B3GLCT: variants seen among roughly 807,000 people sequenced by gnomAD.
B3GLCT encodes the protein beta 3-glucosyltransferase.
A neutral mutation model predicts 63.4 loss-of-function variants in B3GLCT; 65 were observed. The observed-to-expected ratio is 1.03, with a 90% CI of 0.84 to 1.26. The LOEUF (loss-of-function observed/expected upper bound fraction) is 1.26. Ranked by LOEUF, B3GLCT falls within the 50% of genes most tolerant of loss-of-function variation. The pLI is 0.00. For missense variants in B3GLCT, 577 were observed against 604.8 expected (o/e 0.95, Z 0.48); for synonymous variants, 233 against 219.2 (o/e 1.06, Z -0.55).
At chr13:31,318,816 A>G (rs1231098250) in intron 13 of B3GLCT, among the ~76,000 whole-genome samples, 1 of 152,184 alleles carries the variant, frequency 6.6e-6, no homozygotes, top group Non-Finnish European at 1.5e-5. Flanking sequence ...TGGCCCTGTT[A>G]TTTGTATATG....
intron 10 of B3GLCT, among the ~76,000 whole-genome samples, chr13:31,278,480 A>T (rs997281237): frequency 4.6e-5 from 7 of 152,300 alleles, no homozygotes; most frequent in South Asian, 2.1e-4. Flanking sequence ...AGATGCATTG[A>T]TTTACTGCTG....
intron 14 of B3GLCT, among the ~76,000 whole-genome samples, chr13:31,328,608 G>A (rs570630239): frequency 1.5e-4 from 21 of 139,434 alleles, no homozygotes; most frequent in South Asian, 2.3e-4. Context: ...CCGGAGAATC[G>A]CTTGAACCCG....
intron 4 of B3GLCT, among the ~76,000 whole-genome samples, chr13:31,231,577 A>G (rs1870383714): frequency 6.6e-6 from 1 of 151,698 alleles, no homozygotes; most frequent in Non-Finnish European, 1.5e-5. Flanking sequence ...TTTTTGGCCA[A>G]TTTTGTTTCT....
chr13:31,323,927 G>A, intron 14 of B3GLCT, 32 bp downstream of exon 14: 1 of 1,610,150 alleles, frequency 6.2e-7, no homozygotes. Flanking sequence ...TTCCCTCATG[G>A]CAGGTGAGGG....
chr13:31,215,445 A>G (rs1869510941), intron 2 of B3GLCT, among the ~76,000 whole-genome samples: 1 of 151,722 alleles, frequency 6.6e-6, no homozygotes. Flanking sequence ...ACGGAGTTTC[A>G]CTCTGTCGCC....
chr13:31,296,276 T>C (rs913222386), intron 12 of B3GLCT, among the ~76,000 whole-genome samples: 2 of 152,242 alleles, frequency 1.3e-5, no homozygotes, highest in Non-Finnish European at 2.9e-5. Flanking sequence ...GCCAGCCATC[T>C]CCTGTTTTGT....
chr13:31,243,711 C>G (rs971374419), intron 4 of B3GLCT, among the ~76,000 whole-genome samples: 2 of 152,170 alleles, frequency 1.3e-5, no homozygotes, highest in South Asian at 4.1e-4. Context: ...TAATTATTAG[C>G]TGCTTTAAAT....
At chr13:31,281,581 A>G (rs1243666336) in intron 10 of B3GLCT, among the ~76,000 whole-genome samples, 1 of 152,098 alleles carries the variant, frequency 6.6e-6, no homozygotes, top group Non-Finnish European at 1.5e-5. Flanking sequence ...ATTGCCCTAC[A>G]GTGTTGTGTT....
chr13:31,275,276 A>C (rs180684892), intron 9 of B3GLCT, among the ~76,000 whole-genome samples: 15 of 152,370 alleles, frequency 9.8e-5, no homozygotes, highest in African/African-American at 3.6e-4. Flanking sequence ...CCATCTTACA[A>C]ATGAGAAGAG....
chr13:31,221,378 A>G (rs1221761223), intron 2 of B3GLCT, among the ~76,000 whole-genome samples: 1 of 152,194 alleles, frequency 6.6e-6, no homozygotes, highest in East Asian at 1.9e-4. Context: ...CAAGAGTGGC[A>G]TTTAGAGTAA....
chr13:31,217,811 C>G (rs1338507371), intron 2 of B3GLCT, among the ~76,000 whole-genome samples: 1 of 152,184 alleles, frequency 6.6e-6, no homozygotes, highest in Admixed American at 6.5e-5. Flanking sequence ...TGTAGAAGTA[C>G]CATGCTGTTT....
rs1555255278 is a variant in B3GLCT, at chr13:31,316,431, A to ATATATAT, written c.1065-1135_1065-1134insTATATAT. On this transcript the variant is annotated intron_variant, in intron 12 of 14. Coordinates refer to ENST00000343307, the MANE Select transcript of B3GLCT (RefSeq NM_194318.4). ...TTTATATATATATATATATATATAT[A>ATATATAT]AATTTTTTTTTTTTGAGACGGAGTT... Among the ~76,000 whole-genome samples, 43 of 110,050 alleles carry ATATATAT rather than the reference A, an allele frequency of 3.9e-4. 2 individuals carry two copies. Among genetic ancestry groups the ATATATAT allele is most frequent in the South Asian group, 1.6e-3 (5 of 3,050 alleles). 72.2% of individuals were successfully genotyped at this position (110,050 alleles called of 152,430 possible).
chr13:31,310,757 T>C (rs574094995), intron 12 of B3GLCT, among the ~76,000 whole-genome samples: 6 of 152,358 alleles, frequency 3.9e-5, no homozygotes, highest in African/African-American at 1.4e-4. Context: ...TAGGACTCCC[T>C]GAGCAAAAGG....
At chr13:31,263,887 T>TA (rs1346295036) in intron 7 of B3GLCT, among the ~76,000 whole-genome samples, 1 of 152,130 alleles carries the variant, frequency 6.6e-6, no homozygotes, top group East Asian at 1.9e-4. Flanking sequence ...GCAGGGTGTG[T>TA]AGGCATCTTA....
At chr13:31,248,600 G>A (rs1871296257) in intron 6 of B3GLCT, among the ~76,000 whole-genome samples, 1 of 152,178 alleles carries the variant, frequency 6.6e-6, no homozygotes, top group South Asian at 2.1e-4. Flanking sequence ...TAGCAAGAGA[G>A]AAAGAGGGTC....
chr13:31,287,338 G>A (rs182051981), intron 12 of B3GLCT, among the ~76,000 whole-genome samples: 1 of 152,166 alleles, frequency 6.6e-6, no homozygotes, highest in African/African-American at 2.4e-5. Flanking sequence ...AACCAGATTA[G>A]AGGGAATTGT....
rs116269034 is a variant in B3GLCT, at chr13:31,210,003, T to G, written c.71-5048T>G. Among the ~76,000 whole-genome samples the G allele has an allele frequency of 7.5e-3, 1,137 of 152,292 alleles. 17 individuals carry two copies. The highest frequency in any genetic ancestry group is 0.026 in the African/African-American group (1,086 of 41,538). On this transcript the variant is annotated intron_variant, in intron 1 of 14. Transcript: ENST00000343307. ...CACAGGAACAGGGAAAGAGAGTTGA[T>G]TAGTGCTGCTTAAATGTGTTGCAAT...
At chr13:31,287,270 A>G (rs1983242) in intron 12 of B3GLCT, among the ~76,000 whole-genome samples, 141,517 of 152,154 alleles carry the variant, frequency 0.93, 66,481 homozygotes, top group East Asian at 1. Context: ...TATGTATTCA[A>G]TAGAGTATTG....
Position 31,260,946 on chromosome 13 carries a change from G to A in B3GLCT, c.460G>A (p.Glu154Lys), listed in dbSNP as rs1340297403. The A allele has an allele frequency of 6.2e-7, 1 of 1,613,072 alleles. No individual in the cohort carries two copies. Among genetic ancestry groups the A allele is most frequent in the South Asian group, 1.1e-5 (1 of 91,046 alleles). Reference sequence around the variant, plus strand: ...GACATGTTATATCTTTATTTAACAGGAATGGTTTTTGGGAAAAGCATTACA... The same window carrying A: ...GACATGTTATATCTTTATTTAACAGAAATGGTTTTTGGGAAAAGCATTACA... ...ETLRRYDPSK[E>K]WFLGKALHDE... is the part of the protein sequence containing the mutation. Residue 154 changes from glutamate to lysine, a missense_variant and splice_region_variant, in exon 7 of 15, where the codon GAA becomes AAA. Glu to Lys is a moderately conservative substitution (Grantham distance 56). Transcript: ENST00000343307.
Sources: gnomAD v4.1 joint callset for allele counts (sites outside exome capture counted in the v4.1 genomes callset) on GRCh38, gnomAD v4.1.1 for gene constraint, MANE v1.5 for transcripts, NCBI Gene and HGNC (gene_info 2026-07-23, HGNC 2026-07-21) for gene names.